Variants in PTPRE observed in about 807,000 individuals in gnomAD.
The protein encoded by PTPRE is receptor-type tyrosine-protein phosphatase epsilon.
PTPRE carries 51 observed loss-of-function variants against 102.0 expected under a neutral mutation model. The ratio of observed to expected loss-of-function variants is 0.50; its 90% CI spans 0.40 to 0.63. The LOEUF is 0.63. Ranked by LOEUF, PTPRE falls within the 30% of genes least tolerant of loss-of-function variation. The pLI is 0.00. For missense variants in PTPRE, 752 were observed against 915.1 expected (o/e 0.82, Z 2.30); for synonymous variants, 345 against 348.2 (o/e 0.99, Z 0.10).
Position 127,914,452 on chromosome 10 carries a change from C to T in PTPRE, c.-31+7143C>T, listed in dbSNP as rs746395946. On this transcript the variant is annotated intron_variant, in intron 1 of 20. Coordinates refer to ENST00000254667, the MANE Select transcript of PTPRE (RefSeq NM_006504.6). Reference sequence around the variant, plus strand: ...AGGCTCTACTCTTAACTCTTCTAACCCCATCCACTTGTTATAAAACACACT... The same window carrying T: ...AGGCTCTACTCTTAACTCTTCTAACTCCATCCACTTGTTATAAAACACACT... 8.0e-4 allele frequency among the ~76,000 whole-genome samples: 122 copies of T among 152,276 alleles called. 1 individual carries two copies. In the Middle Eastern group the frequency reaches 0.01, roughly 13 times the overall value.
chr10:127,957,503 C>A (rs189796176), intron 1 of PTPRE, among the ~76,000 whole-genome samples: 236 of 152,072 alleles, frequency 1.6e-3, no homozygotes, highest in African/African-American at 5.4e-3. Flanking sequence ...AATCTGTATA[C>A]CTTTTATTTT....
intron 4 of PTPRE, 64 bp from the exon 5 acceptor site, chr10:128,047,700 C>G: frequency 6.2e-7 from 1 of 1,614,074 alleles, no homozygotes; most frequent in South Asian, 1.1e-5. Flanking sequence ...ATCACTGTGC[C>G]GAGCGCTGTT....
chr10:127,917,241 G>T (rs754187009), intron 1 of PTPRE, among the ~76,000 whole-genome samples: 1 of 151,238 alleles, frequency 6.6e-6, no homozygotes, highest in Non-Finnish European at 1.5e-5. Context: ...GTGCCAGAGG[G>T]GGAAGCCGCT....
chr10:128,060,910 T>C (rs1849529755), intron 7 of PTPRE, 29 bp from the exon 8 acceptor site: 1 of 1,600,974 alleles, frequency 6.2e-7, no homozygotes, highest in African/African-American at 1.3e-5. Flanking sequence ...GGTCCTAATA[T>C]CTTGGCTTTG....
chr10:128,070,901 T>C lies in PTPRE; in HGVS notation c.1387T>C (p.Tyr463His). 6.2e-7 allele frequency: 1 copy of C among 1,613,250 alleles called. No homozygotes were observed. The highest frequency in any genetic ancestry group is 8.5e-7 in the Non-Finnish European group (1 of 1,179,216). ...GGCCAGGGTCATCCAGATCATCCCG[T>C]GTAAGGCACCCGTGGCGTGGCTTGG... ...KKARVIQIIPYDFNRVILSMK... is the reference protein window; with the variant it reads ...KKARVIQIIPHDFNRVILSMK... The change falls in exon 15 of 21, where the codon TAT (tyrosine) becomes CAT (histidine). Residue 463 changes from tyrosine (Y) to histidine (H), a missense_variant and splice_region_variant. Coordinates refer to ENST00000254667, the MANE Select transcript of PTPRE (RefSeq NM_006504.6). This position sits in a 1 kb window ranked among gnomAD's most constrained non-coding sequence, Gnocchi z 4.8.
chr10:128,029,074 A>G (rs137932060), intron 2 of PTPRE, among the ~76,000 whole-genome samples: 6 of 152,290 alleles, frequency 3.9e-5, no homozygotes, highest in Middle Eastern at 3.4e-3. Flanking sequence ...TCGGAGGCAG[A>G]TAAGAGTGGG....
At chr10:128,042,817 A>T (rs571520863) in intron 3 of PTPRE, among the ~76,000 whole-genome samples, 1 of 152,342 alleles carries the variant, frequency 6.6e-6, no homozygotes, top group African/African-American at 2.4e-5. Context: ...TTTACAAATT[A>T]TGTAATAAAA....
At chr10:128,047,704 C>A (rs373859018) in intron 4 of PTPRE, 60 bp from the exon 5 acceptor site, 31 of 1,613,966 alleles carry the variant, frequency 1.9e-5, no homozygotes, top group Non-Finnish European at 2.5e-6. Context: ...CTGTGCCGAG[C>A]GCTGTTGGCT....
In PTPRE at chr10:128,038,893, G is replaced by A. The variant is rs181020640; in HGVS notation, c.-7-1982G>A. ...ATTCTGCAGGTTGTCGCCCATTGCTGGTCATGTCAGGAAAATCACCTGTGG... is the reference window on the plus strand; with the variant it reads ...ATTCTGCAGGTTGTCGCCCATTGCTAGTCATGTCAGGAAAATCACCTGTGG... On this transcript the variant is annotated intron_variant, in intron 2 of 20. Transcript: ENST00000254667. Among the ~76,000 whole-genome samples the A allele has an allele frequency of 3.8e-3, 579 of 152,232 alleles. 5 individuals are homozygous for A. The highest frequency in any genetic ancestry group is 2.9e-3 in the Non-Finnish European group (195 of 68,014).
rs530908389 is a variant in PTPRE at position 128,056,846 on chromosome 10, G to A, written c.511+633G>A. Among the ~76,000 whole-genome samples, 171 of 152,134 alleles carry A rather than the reference G, an allele frequency of 1.1e-3. 1 individual carries two copies. Among genetic ancestry groups the A allele is most frequent in the Non-Finnish European group, 2.2e-3 (153 of 68,008 alleles). ...TCGGTGACCTGCTCCAGCTGGATGG[G>A]TCGTGACCTGGGGGCAGCTTTCACA... On this transcript the variant is annotated intron_variant, in intron 7 of 20. Coordinates refer to ENST00000254667, the MANE Select transcript of PTPRE (RefSeq NM_006504.6).
intron 1 of PTPRE, chr10:127,936,090 C>G (rs1460188313): frequency 6.6e-6 from 1 of 152,212 alleles, no homozygotes; most frequent in Non-Finnish European, 1.5e-5. Flanking sequence ...AAGCTGTGGC[C>G]TAGCCCTTCA....
chr10:128,075,360 G>C (rs182983084), intron 17 of PTPRE, among the ~76,000 whole-genome samples: 2 of 152,286 alleles, frequency 1.3e-5, no homozygotes, highest in East Asian at 1.9e-4. Flanking sequence ...GTGCATGGTA[G>C]TTTGCTGCAC....
chr10:127,971,667 A>G (rs1324825822), intron 1 of PTPRE, among the ~76,000 whole-genome samples: 1 of 152,218 alleles, frequency 6.6e-6, no homozygotes, highest in Non-Finnish European at 1.5e-5. Flanking sequence ...TTCCTGGGGA[A>G]AGCCTCCAGC....
At chr10:127,978,718 A>T (rs780558941) in intron 1 of PTPRE, among the ~76,000 whole-genome samples, 2 of 152,012 alleles carry the variant, frequency 1.3e-5, no homozygotes, top group African/African-American at 2.4e-5. Flanking sequence ...CAGTGTCCTC[A>T]TCTTTAAAGT....
intron 2 of PTPRE, among the ~76,000 whole-genome samples, chr10:128,010,847 T>A (rs1467020173): frequency 6.6e-6 from 1 of 152,094 alleles, no homozygotes; most frequent in Non-Finnish European, 1.5e-5. Context: ...TGCCTCGGCC[T>A]CCCAAAGTGC....
rs559126065 is a variant in PTPRE at position 128,017,744 on chromosome 10, G to A, written c.-7-23131G>A. ...GGCTTCACTGCCCTAAAAATTCTCTGTGCACCGAGGCTTTTGGAGGCGCAG... is the reference window on the plus strand; with the variant it reads ...GGCTTCACTGCCCTAAAAATTCTCTATGCACCGAGGCTTTTGGAGGCGCAG... On this transcript the variant is annotated intron_variant, in intron 2 of 20. Transcript: ENST00000254667. Among the ~76,000 whole-genome samples the A allele has an allele frequency of 7.2e-5, 11 of 152,288 alleles. No individual in the cohort carries two copies. In the South Asian group the frequency reaches 8.3e-4, roughly 11 times the overall value.
intron 3 of PTPRE, among the ~76,000 whole-genome samples, chr10:128,042,979 A>T (rs180787179): frequency 6.6e-6 from 1 of 152,198 alleles, no homozygotes; most frequent in Admixed American, 6.5e-5. Flanking sequence ...TTAAAATGAC[A>T]TTATCATTTT....
At chr10:127,937,212 T>C (rs931064147) in intron 1 of PTPRE, among the ~76,000 whole-genome samples, 1 of 152,172 alleles carries the variant, frequency 6.6e-6, no homozygotes, top group Non-Finnish European at 1.5e-5. Context: ...ATTCACATGA[T>C]AATGGCTTTT....
chr10:127,979,946 T>C (rs750578927), intron 1 of PTPRE, among the ~76,000 whole-genome samples: 4 of 152,244 alleles, frequency 2.6e-5, no homozygotes, highest in Non-Finnish European at 5.9e-5. Context: ...TCTTGAGATA[T>C]TGGAGGTATA....
Sources: allele counts gnomAD v4.1 joint callset (sites outside exome capture counted in the v4.1 genomes callset), GRCh38; gene constraint gnomAD v4.1.1; non-coding constraint Gnocchi (gnomAD v3.1); transcripts MANE v1.5; gene names NCBI Gene and HGNC (gene_info 2026-07-23, HGNC 2026-07-21).